The following KDM4B variants were observed in gnomAD, a reference collection of about 807,000 sequenced individuals.
The protein encoded by KDM4B is lysine demethylase 4B, also known as lysine-specific demethylase 4B.
KDM4B carries 32 observed loss-of-function variants against 125.2 expected under a neutral mutation model. The observed-to-expected ratio is 0.26, with a 90% confidence interval of 0.19 to 0.34. The LOEUF is 0.34. Ranked by LOEUF, KDM4B falls within the 10% of genes least tolerant of loss-of-function variation. KDM4B has a pLI of 1.00. For synonymous variants in KDM4B, 721 were observed against 677.9 expected (o/e 1.06, Z -0.99); for missense variants, 1,190 against 1,577.7 (o/e 0.75, Z 4.16).
chr19:5,013,119 G>A (rs1297706974), intron 1 of KDM4B, among the ~76,000 whole-genome samples: 1 of 152,234 alleles, frequency 6.6e-6, no homozygotes, highest in African/African-American at 2.4e-5. Flanking sequence ...AGGGAGGGCA[G>A]AAGGACCCGT....
intron 9 of KDM4B, among the ~76,000 whole-genome samples, chr19:5,106,900 T>C (rs2039045620): frequency 6.6e-6 from 1 of 152,070 alleles, no homozygotes; most frequent in African/African-American, 2.4e-5. Context: ...GAGCCTGCAG[T>C]TGGTGGGCCC....
At chr19:5,015,297 G>A (rs571016109) in intron 1 of KDM4B, among the ~76,000 whole-genome samples, 99 of 152,200 alleles carry the variant, frequency 6.5e-4, no homozygotes, top group Non-Finnish European at 1.2e-3. Flanking sequence ...ACCCAGGTTG[G>A]AGTGCGTGCA....
chr19:5,034,513 T>A (rs575548684), intron 3 of KDM4B, among the ~76,000 whole-genome samples: 6 of 152,358 alleles, frequency 3.9e-5, no homozygotes, highest in Non-Finnish European at 7.3e-5. Flanking sequence ...CTTTTTTCTT[T>A]TCCCCCAACC....
intron 9 of KDM4B, among the ~76,000 whole-genome samples, chr19:5,094,172 T>C (rs2038770940): frequency 6.6e-6 from 1 of 152,176 alleles, no homozygotes; most frequent in South Asian, 2.1e-4. Flanking sequence ...TGTCTGCTTC[T>C]AAGGGCACCA....
intron 1 of KDM4B, among the ~76,000 whole-genome samples, chr19:5,015,745 C>T (rs1224350690): frequency 6.6e-6 from 1 of 152,214 alleles, no homozygotes; most frequent in Non-Finnish European, 1.5e-5. Flanking sequence ...TTCTGTTCCG[C>T]ATCCATCCTA....
At chr19:5,146,245 GCT>G (rs2039843387) in intron 21 of KDM4B, among the ~76,000 whole-genome samples, 1 of 89,352 alleles carries the variant, frequency 1.1e-5, no homozygotes, top group Non-Finnish European at 2.2e-5. Context: ...GACCCCCCCC[GCT>G]CCGCCGTGCA....
At chr19:5,068,590 G>A (rs2037849636) in intron 6 of KDM4B, among the ~76,000 whole-genome samples, 2 of 152,242 alleles carry the variant, frequency 1.3e-5, no homozygotes, top group African/African-American at 2.4e-5. Context: ...CCTTGGGGGT[G>A]GCCGGGAGGC....
chr19:5,090,161 G>A (rs1216716122), intron 9 of KDM4B, among the ~76,000 whole-genome samples: 2 of 152,182 alleles, frequency 1.3e-5, no homozygotes, highest in Non-Finnish European at 2.9e-5. Flanking sequence ...CCTGCCGTGT[G>A]CAGGGGAGGG....
intron 11 of KDM4B, 101 bp from the exon 12 acceptor site, chr19:5,130,975 C>T (rs976304005): frequency 2.0e-5 from 18 of 882,866 alleles, no homozygotes; most frequent in Non-Finnish European, 2.7e-5. Context: ...GTGGAAGGAG[C>T]CCTCGACCAT....
rs779880060 is a variant in KDM4B, at chr19:5,137,590, C to T, written c.2386-31C>T. On this transcript the variant is annotated intron_variant, in intron 16 of 22. Coordinates refer to ENST00000159111, the MANE Select transcript of KDM4B (RefSeq NM_015015.3). ...GTGTGTGGGGAGCCTGCTCCGAGCCCTGCTCATCCAGGGCTGTCTGGTCTC... is the reference window on the plus strand; with the variant it reads ...GTGTGTGGGGAGCCTGCTCCGAGCCTTGCTCATCCAGGGCTGTCTGGTCTC... The T allele has an allele frequency of 3.1e-6, 5 of 1,596,254 alleles. No individual in the cohort carries two copies. The Admixed American group carries it at 6.9e-5, about 22-fold the overall frequency.
chr19:5,119,169 G>A (rs2039311423), intron 10 of KDM4B: 2 of 1,535,402 alleles, frequency 1.3e-6, no homozygotes, highest in Non-Finnish European at 1.7e-6. Context: ...AGGAGGAGAG[G>A]AAACCAAGTC....
chr19:5,106,809 T>G (rs2039043962), intron 9 of KDM4B, among the ~76,000 whole-genome samples: 1 of 152,076 alleles, frequency 6.6e-6, no homozygotes, highest in African/African-American at 2.4e-5. Flanking sequence ...TAGCCAGGAA[T>G]GAGAAGAAGC....
intron 21 of KDM4B, among the ~76,000 whole-genome samples, chr19:5,147,865 C>T (rs988180444): frequency 2.6e-5 from 4 of 152,088 alleles, no homozygotes; most frequent in Non-Finnish European, 2.9e-5. Context: ...CGCCTGCCTG[C>T]GAGGTGGCGG....
intron 19 of KDM4B, 45 bp from the exon 20 acceptor site, chr19:5,144,203 C>T (rs768118725): frequency 9.5e-6 from 15 of 1,580,354 alleles, no homozygotes; most frequent in Admixed American, 1.7e-5. Context: ...CCGCCCCCAC[C>T]GACACCCGCG....
chr19:5,069,289 ATTTATTTTTATT>A (rs534345283), intron 6 of KDM4B, among the ~76,000 whole-genome samples: 8 of 151,682 alleles, frequency 5.3e-5, no homozygotes, highest in Admixed American at 1.3e-4. Flanking sequence ...CCCCCTCCTT[ATTTATTTTTATT>A]TTTATTTTTA....
rs2039675114 is a variant in KDM4B, at chr19:5,137,759, C to T, written c.2441+83C>T. 11 of 1,335,538 alleles carry T rather than the reference C, an allele frequency of 8.2e-6. No homozygotes were observed. The Admixed American group carries it at 1.6e-4, about 19-fold the overall frequency. 82.7% of individuals were successfully genotyped at this position (1,335,538 alleles called of 1,614,324 possible). A position where few individuals can be genotyped will look rare whatever the true frequency, so the allele number is the denominator to read the frequency against. On this transcript the variant is annotated intron_variant, in intron 17 of 22. Transcript: ENST00000159111. ...GGCTCTGCAGGGTGTGACCCCAGTG[C>T]CTAGGGGTTGACCATCACCTCCACA...
intron 1 of KDM4B, among the ~76,000 whole-genome samples, chr19:4,998,961 A>G (rs2035285842): frequency 1.3e-5 from 2 of 152,156 alleles, no homozygotes. Context: ...TGGTGATGTT[A>G]ACCTTGATCC....
Position 5,061,383 on chromosome 19 carries a change from C to T in KDM4B, c.627-9627C>T, listed in dbSNP as rs184797093. Among the ~76,000 whole-genome samples the T allele has an allele frequency of 4.6e-5, 7 of 152,310 alleles. No homozygotes were observed. In the East Asian group the frequency reaches 9.6e-4, roughly 21 times the overall value. On this transcript the variant is annotated intron_variant, in intron 6 of 22. Coordinates refer to ENST00000159111, the MANE Select transcript of KDM4B (RefSeq NM_015015.3). Reference sequence around the variant, plus strand: ...TTCCATCATCTCTTGTCCCGTAAAACGATCCATTAAAGATAAAGCCACTGC... The same window carrying T: ...TTCCATCATCTCTTGTCCCGTAAAATGATCCATTAAAGATAAAGCCACTGC...
At chr19:5,070,831 C>T (rs1306346791) in intron 6 of KDM4B, 179 bp from the exon 7 acceptor site, 11 of 550,860 alleles carry the variant, frequency 2.0e-5, no homozygotes, top group East Asian at 3.2e-5. Flanking sequence ...CGCTTCCTTA[C>T]GGATTCCGTC....
Sources: gnomAD v4.1 joint callset for allele counts (sites outside exome capture counted in the v4.1 genomes callset) on GRCh38, gnomAD v4.1.1 for gene constraint, MANE v1.5 for transcripts, NCBI Gene and HGNC (gene_info 2026-07-23, HGNC 2026-07-21) for gene names.